Variants in TSC22D4 observed in about 807,000 individuals in gnomAD.
The protein encoded by TSC22D4 is TSC22 domain family member 4.
A neutral mutation model predicts 24.9 loss-of-function variants in TSC22D4; 5 were observed. That is an observed-to-expected ratio of 0.20 (90% CI 0.10 to 0.42). The LOEUF (loss-of-function observed/expected upper bound fraction) is 0.42. Ranked by LOEUF, TSC22D4 falls within the 10% of genes least tolerant of loss-of-function variation. TSC22D4 has a pLI of 1.00. For missense variants in TSC22D4, 469 were observed against 547.9 expected, an observed-to-expected ratio of 0.86 and a Z score of 1.44; for synonymous variants, 245 against 243.2, an observed-to-expected ratio of 1.01 and a Z score of -0.07.
In TSC22D4 at chr7:100,474,532, C is replaced by T; in HGVS notation, c.763-92G>A. 2.1e-6 allele frequency: 3 copies of T among 1,442,018 alleles called. No homozygotes were observed. The highest frequency in any genetic ancestry group is 2.8e-6 in the Non-Finnish European group (3 of 1,058,482). The allele number at this position is 1,442,018 out of a possible 1,614,324, so 89.3% of individuals were successfully genotyped here. A position where few individuals can be genotyped will look rare whatever the true frequency, so the allele number is the denominator to read the frequency against. ...TTGCCTATTAGCCTTCCTCCCTCTCCACCTCCCCACTCTCTTTCGAGGACC... is the reference window on the plus strand; with the variant it reads ...TTGCCTATTAGCCTTCCTCCCTCTCTACCTCCCCACTCTCTTTCGAGGACC... On this transcript the variant is annotated intron_variant, in intron 2 of 4. Transcript: ENST00000300181. This position sits in a 1 kb window ranked among gnomAD's most constrained non-coding sequence, Gnocchi z 4.3.
chr7:100,466,916 A>G lies in TSC22D4; in HGVS notation c.*43T>C. ...GGAAGAGGGGGCAGGCGGCTGACGCAAGGCCGGGCAGCCCCAAAGGCACAT... is the reference window on the plus strand; with the variant it reads ...GGAAGAGGGGGCAGGCGGCTGACGCGAGGCCGGGCAGCCCCAAAGGCACAT... On this transcript the variant is annotated 3_prime_UTR_variant, in exon 5 of 5. Transcript: ENST00000300181. The G allele has an allele frequency of 6.7e-7, 1 of 1,481,756 alleles. No homozygotes were observed. Among genetic ancestry groups the G allele is most frequent in the Non-Finnish European group, 9.0e-7 (1 of 1,109,806 alleles). The allele number at this position is 1,481,756 out of a possible 1,614,324, so 91.8% of individuals were successfully genotyped here. A position where few individuals can be genotyped will look rare whatever the true frequency, so the allele number is the denominator to read the frequency against.
At chr7:100,473,375 C>A (rs1040391419) in intron 3 of TSC22D4, among the ~76,000 whole-genome samples, 2 of 152,052 alleles carry the variant, frequency 1.3e-5, no homozygotes, top group African/African-American at 4.8e-5. Flanking sequence ...GAGTCCCAGT[C>A]CTTTGTTAGG....
rs1176317087 is a variant in TSC22D4 at position 100,478,466 on chromosome 7, C to T, written c.-269-159G>A. On this transcript the variant is annotated intron_variant, in intron 1 of 4. Coordinates refer to ENST00000300181, the MANE Select transcript of TSC22D4 (RefSeq NM_030935.5). ...GGAGCAGAGTGGGGGAAGGGGAAAC[C>T]GTCAGAGACCCAGAGACAGGCAAGA... Among the ~76,000 whole-genome samples the T allele has an allele frequency of 3.4e-5, 5 of 145,108 alleles. No individual in the cohort carries two copies. In the East Asian group the frequency reaches 6.4e-4, roughly 19 times the overall value.
chr7:100,477,638 C>A lies in TSC22D4; in HGVS notation c.401G>T (p.Gly134Val). 6.3e-7 allele frequency: 1 copy of A among 1,594,598 alleles called. No homozygotes were observed. The highest frequency in any genetic ancestry group is 8.5e-7 in the Non-Finnish European group (1 of 1,175,214). ...TGACGGTGGGGTGGGGGCGCCCAGG[C>A]CGAGGCTGGCCAGCTCCAACCTGGA... Reference protein sequence around the residue: ...LDSRLELASLGLGAPTPPSGL... With the variant: ...LDSRLELASLVLGAPTPPSGL... The change falls in exon 2 of 5, where the codon GGC (glycine) becomes GTC (valine). Residue 134 changes from glycine to valine, a missense_variant. Gly to Val is a moderately radical substitution (Grantham distance 109). Coordinates refer to ENST00000300181, the MANE Select transcript of TSC22D4 (RefSeq NM_030935.5). The surrounding 1 kb of genome is among the most constrained non-coding windows in gnomAD (Gnocchi z 7.8).
chr7:100,468,083 G>T lies in TSC22D4; in HGVS notation c.930-483C>A, dbSNP rs765398439. 2.6e-4 allele frequency: 101 copies of T among 389,758 alleles called. 3 individuals are homozygous for T. The highest frequency in any genetic ancestry group is 1.9e-3 in the South Asian group (97 of 51,834). The allele number at this position is 389,758 out of a possible 1,614,324, so 24.1% of individuals were successfully genotyped here. A position where few individuals can be genotyped will look rare whatever the true frequency, so the allele number is the denominator to read the frequency against. ...GCAGAGAGGAGACAGTGCCTCGGGG[G>T]TGCTGGCCTGAAAGATATACACCAC... On this transcript the variant is annotated intron_variant, in intron 3 of 4. Transcript: ENST00000300181.
chr7:100,477,418 G>T lies in TSC22D4; in HGVS notation c.621C>A (p.Ser207=), dbSNP rs770360720. ...EPETGESAGT[S]RAATPLPSLR... is the part of the protein sequence containing the mutation. ...GAGAGGGCAGGGGCGTGGCAGCCCG[G>T]GATGTGCCCGCACTCTCACCGGTCT... Residue 207 remains serine (S), a synonymous_variant, in exon 2 of 5, where the codon TCC becomes TCA. Transcript: ENST00000300181. The surrounding 1 kb of genome is among the most constrained non-coding windows in gnomAD (Gnocchi z 7.8). The T allele has an allele frequency of 1.9e-6, 3 of 1,591,140 alleles. No individual in the cohort carries two copies. The highest frequency in any genetic ancestry group is 2.3e-5 in the South Asian group (2 of 88,264).
At chr7:100,475,682 G>A (rs1052458923) in intron 2 of TSC22D4, among the ~76,000 whole-genome samples, 1 of 151,770 alleles carries the variant, frequency 6.6e-6, no homozygotes, top group South Asian at 2.1e-4. Context: ...GTTGGGGGGG[G>A]AGCTGGTTGT....
chr7:100,474,430 A>C lies in TSC22D4; in HGVS notation c.773T>G (p.Leu258Arg), dbSNP rs781115326. 6 of 1,613,994 alleles carry C rather than the reference A, an allele frequency of 3.7e-6. No homozygotes were observed. The highest frequency in any genetic ancestry group is 5.1e-6 in the Non-Finnish European group (6 of 1,179,986). Residue 258 changes from leucine to arginine, a missense_variant, in exon 3 of 5, where the codon CTT becomes CGT. Coordinates refer to ENST00000300181, the MANE Select transcript of TSC22D4 (RefSeq NM_030935.5). This position sits in a 1 kb window ranked among gnomAD's most constrained non-coding sequence, Gnocchi z 4.3. The stretch of plus-strand genomic sequence containing the variant: ...GGCTGGGGAGCTGGGGCGAGAGTCA[A>C]GTGGGGGCACCTGGAGGCGGAGAGG... ...APEEMGQVPPLDSRPSSPALY... is the reference protein window; with the variant it reads ...APEEMGQVPPRDSRPSSPALY...
rs374147845 is a variant in TSC22D4 at position 100,474,446 on chromosome 7, G to A, written c.763-6C>T. On this transcript the variant is annotated splice_region_variant and splice_polypyrimidine_tract_variant and intron_variant, in intron 2 of 4. Coordinates refer to ENST00000300181, the MANE Select transcript of TSC22D4 (RefSeq NM_030935.5). This position sits in a 1 kb window ranked among gnomAD's most constrained non-coding sequence, Gnocchi z 4.3. ...CGAGAGTCAAGTGGGGGCACCTGGA[G>A]GCGGAGAGGTAGGAACCATCACATG... The A allele has an allele frequency of 1.4e-5, 23 of 1,613,720 alleles. No individual in the cohort carries two copies. Among genetic ancestry groups the A allele is most frequent in the Non-Finnish European group, 1.8e-5 (21 of 1,179,978 alleles).
rs776686850 is a variant in TSC22D4, at chr7:100,477,567, A to G, written c.472T>C (p.Ser158Pro). 14 of 1,578,566 alleles carry G rather than the reference A, an allele frequency of 8.9e-6. No homozygotes were observed. The African/African-American group carries it at 1.5e-4, about 17-fold the overall frequency. Reference sequence around the variant, plus strand: ...AAGGAGCGGGCCTGAGGTCCAGGAGAGGTGGGGGGTGGACGGAGCCAGGAG... The same window carrying G: ...AAGGAGCGGGCCTGAGGTCCAGGAGGGGTGGGGGGTGGACGGAGCCAGGAG... ...PTSWLRPPPT[S>P]PGPQARSFTG... Residue 158 changes from serine to proline, a missense_variant, in exon 2 of 5, where the codon TCT becomes CCT. Physicochemically the swap from Ser to Pro is moderately conservative, Grantham distance 74 (BLOSUM62 -1). Transcript: ENST00000300181. This position sits in a 1 kb window ranked among gnomAD's most constrained non-coding sequence, Gnocchi z 7.8.
At chr7:100,468,996 C>A (rs1000076772) in intron 3 of TSC22D4, among the ~76,000 whole-genome samples, 2 of 149,528 alleles carry the variant, frequency 1.3e-5, no homozygotes, top group Admixed American at 6.7e-5. Context: ...GAGGCTGAGG[C>A]GAGTGGATCA....
At chr7:100,475,382 C>G (rs1003483480) in intron 2 of TSC22D4, among the ~76,000 whole-genome samples, 2 of 152,216 alleles carry the variant, frequency 1.3e-5, no homozygotes, top group Admixed American at 6.5e-5. Context: ...CCACTGCACC[C>G]AGGCTGCCTT....
At position 100,474,128 on chromosome 7, in the gene TSC22D4, C is replaced by G; in HGVS notation, c.929+146G>C. On this transcript the variant is annotated intron_variant, in intron 3 of 4. Transcript: ENST00000300181. The surrounding 1 kb of genome is among the most constrained non-coding windows in gnomAD (Gnocchi z 4.3). ...GTCCGAAATCAACTGTGTGCAGTGG[C>G]TATGCCCAGGCCAGGTTTCTCTAAG... 9.7e-7 allele frequency: 1 copy of G among 1,029,714 alleles called. No individual in the cohort carries two copies. 63.8% of individuals were successfully genotyped at this position (1,029,714 alleles called of 1,614,324 possible). A position where few individuals can be genotyped will look rare whatever the true frequency, so the allele number is the denominator to read the frequency against.
At position 100,478,115 on chromosome 7, in the gene TSC22D4, C is replaced by A; in HGVS notation, c.-77G>T. The A allele has an allele frequency of 7.8e-7, 1 of 1,279,384 alleles. No individual in the cohort carries two copies. Among genetic ancestry groups the A allele is most frequent in the Non-Finnish European group, 1.1e-6 (1 of 940,856 alleles). The allele number at this position is 1,279,384 out of a possible 1,614,324, so 79.3% of individuals were successfully genotyped here. ...TGAAGGGGCTCAGGCACCCCTGGAA[C>A]AAGGGGGCCACATGGCGGGGACATC... On this transcript the variant is annotated 5_prime_UTR_variant, in exon 2 of 5. Transcript: ENST00000300181.
At position 100,466,591 on chromosome 7, in the gene TSC22D4, C is replaced by T; in HGVS notation, c.*368G>A. 1 of 239,952 alleles carries T rather than the reference C, an allele frequency of 4.2e-6. No individual in the cohort carries two copies. The highest frequency in any genetic ancestry group is 7.9e-5 in the East Asian group (1 of 12,640). The allele number at this position is 239,952 out of a possible 1,614,324, so 14.9% of individuals were successfully genotyped here. ...ACCTGAATCCCAGAACTTCCAGATACTGTCCACACTCCCTCCCCTGGGCAG... is the reference window on the plus strand; with the variant it reads ...ACCTGAATCCCAGAACTTCCAGATATTGTCCACACTCCCTCCCCTGGGCAG... On this transcript the variant is annotated 3_prime_UTR_variant, in exon 5 of 5. Coordinates refer to ENST00000300181, the MANE Select transcript of TSC22D4 (RefSeq NM_030935.5).
chr7:100,477,509 C>A lies in TSC22D4; in HGVS notation c.530G>T (p.Ser177Ile). 6.4e-7 allele frequency: 1 copy of A among 1,556,142 alleles called. No homozygotes were observed. Among genetic ancestry groups the A allele is most frequent in the South Asian group, 1.2e-5 (1 of 82,562 alleles). ...TGGLGQLVVP[S>I]KAKAEKPPLS... ...TGGGGGTTTCTCTGCCTTGGCTTTG[C>A]TGGGCACCACCAGCTGGCCCAGTCC... Residue 177 changes from serine to isoleucine, a missense_variant, in exon 2 of 5, where the codon AGC (serine) becomes ATC (isoleucine). Coordinates refer to ENST00000300181, the MANE Select transcript of TSC22D4 (RefSeq NM_030935.5). This position sits in a 1 kb window ranked among gnomAD's most constrained non-coding sequence, Gnocchi z 7.8.
intron 3 of TSC22D4, among the ~76,000 whole-genome samples, chr7:100,469,101 C>T (rs1215992491): frequency 6.6e-6 from 1 of 151,010 alleles, no homozygotes; most frequent in South Asian, 2.1e-4. Context: ...GTGGGGGGTG[C>T]CTGTAATCCT....
rs1406546507 is a variant in TSC22D4 at position 100,477,211 on chromosome 7, A to T, written c.762+66T>A. The stretch of plus-strand genomic sequence containing the variant: ...GGAGGAGGAGAGGGGGGGGAGGAGG[A>T]GGAAGGAGGCTCAAGATAGAGGTTA... On this transcript the variant is annotated intron_variant, in intron 2 of 4. Coordinates refer to ENST00000300181, the MANE Select transcript of TSC22D4 (RefSeq NM_030935.5). This position sits in a 1 kb window ranked among gnomAD's most constrained non-coding sequence, Gnocchi z 7.8. 23 of 1,215,462 alleles carry T rather than the reference A, an allele frequency of 1.9e-5. No individual in the cohort carries two copies. Among genetic ancestry groups the T allele is most frequent in the Non-Finnish European group, 2.4e-5 (22 of 919,796 alleles). 75.3% of individuals were successfully genotyped at this position (1,215,462 alleles called of 1,614,324 possible).
At position 100,477,210 on chromosome 7, in the gene TSC22D4, G is replaced by T; in HGVS notation, c.762+67C>A. 2 of 1,258,460 alleles carry T rather than the reference G, an allele frequency of 1.6e-6. No individual in the cohort carries two copies. The highest frequency in any genetic ancestry group is 2.1e-6 in the Non-Finnish European group (2 of 954,950). 78.0% of individuals were successfully genotyped at this position (1,258,460 alleles called of 1,614,324 possible). On this transcript the variant is annotated intron_variant, in intron 2 of 4. Transcript: ENST00000300181. This position sits in a 1 kb window ranked among gnomAD's most constrained non-coding sequence, Gnocchi z 7.8. ...AGGAGGAGGAGAGGGGGGGGAGGAG[G>T]AGGAAGGAGGCTCAAGATAGAGGTT...
Sources: gnomAD v4.1 joint callset for allele counts (sites outside exome capture counted in the v4.1 genomes callset) on GRCh38, gnomAD v4.1.1 for gene constraint, Gnocchi (gnomAD v3.1) non-coding constraint, MANE v1.5 for transcripts, NCBI Gene and HGNC (gene_info 2026-07-23, HGNC 2026-07-21) for gene names.